The following GPHN variants were observed in gnomAD, a reference collection of about 807,000 sequenced individuals.
GPHN encodes the protein gephyrin.
Under a neutral mutation model 95.5 loss-of-function variants are expected in GPHN, and 17 were observed. The ratio of observed to expected loss-of-function variants is 0.18; its 90% confidence interval spans 0.12 to 0.27. The LOEUF (loss-of-function observed/expected upper bound fraction) is 0.27, where lower values mean the gene tolerates loss of function less well. Among genes scored for constraint, GPHN ranks in the 10% least tolerant of loss-of-function variants. GPHN has a pLI of 1.00. For synonymous variants in GPHN, 320 were observed against 322.5 expected, an observed-to-expected ratio of 0.99 and a Z score of 0.08; for missense variants, 660 against 978.1, an observed-to-expected ratio of 0.67 and a Z score of 4.34.
the GPHN span, among the ~76,000 whole-genome samples, chr14:67,582,570 G>A: frequency 6.6e-6 from 1 of 152,146 alleles, no homozygotes; most frequent in South Asian, 2.1e-4. This position sits in a 1 kb window ranked among gnomAD's most constrained non-coding sequence, Gnocchi z 5.0. Context: ...TGTAATGTCA[G>A]CACTTTGCGA....
intron 9 of GPHN, among the ~76,000 whole-genome samples, chr14:66,995,039 ATTC>A (rs2071691518): frequency 1.3e-5 from 2 of 152,164 alleles, no homozygotes; most frequent in Admixed American, 6.5e-5. Context: ...TGCATTTGTG[ATTC>A]TTCTACTGTC....
the GPHN span, chr14:67,390,834 C>T: frequency 1.1e-6 from 1 of 895,858 alleles, no homozygotes. Flanking sequence ...AAACCCCCAA[C>T]AAGCCAGCCC....
intron 1 of GPHN, among the ~76,000 whole-genome samples, chr14:66,645,873 C>T (rs1189918575): frequency 6.6e-6 from 1 of 151,890 alleles, no homozygotes; most frequent in African/African-American, 2.4e-5. Flanking sequence ...TTACAAGGGG[C>T]CTGATGACCA....
intron 1 of GPHN, among the ~76,000 whole-genome samples, chr14:66,667,187 G>A (rs893660457): frequency 5.3e-5 from 8 of 152,164 alleles, no homozygotes; most frequent in Non-Finnish European, 4.4e-5. Context: ...GGAAGAATCA[G>A]TATTGGTAAA....
At chr14:66,659,622 A>G (rs2065521381) in intron 1 of GPHN, among the ~76,000 whole-genome samples, 1 of 151,924 alleles carries the variant, frequency 6.6e-6, no homozygotes, top group Admixed American at 6.6e-5. Flanking sequence ...ATACACCTTT[A>G]GGATTGTTTT....
At chr14:67,580,895 C>T in the GPHN span, 7 of 1,327,848 alleles carry the variant, frequency 5.3e-6, no homozygotes, top group Admixed American at 5.0e-5. Context: ...CCCTTCTCTC[C>T]TTATCAGGAA....
At position 66,508,552 on chromosome 14, in the gene GPHN, A is replaced by G. The variant is rs1322719524; in HGVS notation, c.25A>G (p.Thr9Ala). 6.2e-7 allele frequency: 1 copy of G among 1,613,992 alleles called. No individual in the cohort carries two copies. Among genetic ancestry groups the G allele is most frequent in the Admixed American group, 1.7e-5 (1 of 60,034 alleles). Residue 9 changes from threonine (T) to alanine (A), a missense_variant, in exon 1 of 23, where the codon ACT (threonine) becomes GCT (alanine). Thr to Ala is a moderately conservative substitution (Grantham distance 58). Around this residue, in one of 6 missense-constraint regions of GPHN, gnomAD observed 92 missense variants for 91.9 expected, o/e 1.00. Coordinates refer to ENST00000478722, the MANE Select transcript of GPHN (RefSeq NM_020806.5). The part of the protein sequence containing the change: MATEGMIL[T>A]NHDHQIRVGV... ...CATGGCGACCGAGGGAATGATCCTT[A>G]CTAACCACGACCATCAAATCCGTGT...
At chr14:67,380,436 T>A in the GPHN span, among the ~76,000 whole-genome samples, 1 of 152,228 alleles carries the variant, frequency 6.6e-6, no homozygotes, top group African/African-American at 2.4e-5. Flanking sequence ...ATTAAATTGC[T>A]TGTTTTAGTC....
At chr14:67,645,962 G>C in the GPHN span, among the ~76,000 whole-genome samples, 3 of 152,190 alleles carry the variant, frequency 2.0e-5, no homozygotes, top group Non-Finnish European at 4.4e-5. Context: ...CCAGATGCTA[G>C]GGGTATAAAG....
chr14:67,215,406 G>GT, the GPHN span, among the ~76,000 whole-genome samples: 6,961 of 109,284 alleles, frequency 0.064, 152 homozygotes, highest in African/African-American at 0.11. Context: ...CTGATCTATT[G>GT]TTTTTTTTTT....
intron 10 of GPHN, among the ~76,000 whole-genome samples, chr14:67,055,978 G>A (rs544944715): frequency 9.2e-5 from 14 of 152,332 alleles, no homozygotes; most frequent in Admixed American, 7.2e-4. Flanking sequence ...GGCTTCAGGA[G>A]TGAAGCTGCA....
chr14:67,436,482 T>C, the GPHN span, among the ~76,000 whole-genome samples: 1 of 152,144 alleles, frequency 6.6e-6, no homozygotes. Context: ...CTCTAGGTGG[T>C]ACCCAGTCTT....
chr14:67,267,083 G>A, the GPHN span, among the ~76,000 whole-genome samples: 1 of 152,014 alleles, frequency 6.6e-6, no homozygotes, highest in Non-Finnish European at 1.5e-5. Context: ...ACTCCAGCCT[G>A]TCTCACAGAG....
the GPHN span, chr14:67,678,261 T>G: frequency 9.1e-7 from 1 of 1,103,008 alleles, no homozygotes; most frequent in South Asian, 1.3e-5. Context: ...AGAATCATTT[T>G]GACAAGAAGT....
chr14:67,455,786 G>A, the GPHN span, among the ~76,000 whole-genome samples: 1 of 152,052 alleles, frequency 6.6e-6, no homozygotes, highest in Non-Finnish European at 1.5e-5. Flanking sequence ...TTAAGCACCT[G>A]CTTTGGGTCA....
At chr14:67,037,932 T>C (rs1320991115) in intron 10 of GPHN, among the ~76,000 whole-genome samples, 2 of 152,008 alleles carry the variant, frequency 1.3e-5, no homozygotes, top group Non-Finnish European at 2.9e-5. Context: ...TTTCATATGA[T>C]CTGTCAGTCT....
chr14:67,600,382 G>C, the GPHN span: 1 of 555,402 alleles, frequency 1.8e-6, no homozygotes, highest in Non-Finnish European at 3.1e-6. Flanking sequence ...GCGTTCTTCC[G>C]GGCCGGCCTT....
intron 9 of GPHN, among the ~76,000 whole-genome samples, chr14:67,017,300 A>G (rs2073368963): frequency 6.6e-6 from 1 of 152,118 alleles, no homozygotes; most frequent in Non-Finnish European, 1.5e-5. Flanking sequence ...ACAATTATCC[A>G]TTTGTGTTTA....
chr14:66,955,089 A>G (rs935885374), intron 8 of GPHN, among the ~76,000 whole-genome samples: 1 of 152,108 alleles, frequency 6.6e-6, no homozygotes, highest in African/African-American at 2.4e-5. Context: ...TTATGATGTC[A>G]TTGTCTTTAG....
Sources: gnomAD v4.1 joint callset for allele counts (sites outside exome capture counted in the v4.1 genomes callset) on GRCh38, gnomAD v4.1.1 for gene constraint, gnomAD v4.1.1 regional missense constraint, Gnocchi (gnomAD v3.1) non-coding constraint, MANE v1.5 for transcripts, NCBI Gene and HGNC (gene_info 2026-07-23, HGNC 2026-07-21) for gene names.